The following PRKDC variants were observed in gnomAD, a reference collection of about 807,000 sequenced individuals.
PRKDC encodes DNA-dependent protein kinase catalytic subunit.
Under a neutral mutation model 486.9 loss-of-function variants are expected in PRKDC, and 82 were observed. That is an observed-to-expected ratio of 0.17 (90% confidence interval 0.14 to 0.20). The LOEUF (loss-of-function observed/expected upper bound fraction) is 0.20. Ranked by LOEUF, PRKDC falls within the 10% of genes least tolerant of loss-of-function variation. The pLI, the probability that PRKDC is intolerant of heterozygous loss-of-function variation, is 1.00. For synonymous variants in PRKDC, 1,895 were observed against 1,837.0 expected (o/e 1.03, Z -0.81); for missense variants, 4,504 against 5,038.2 (o/e 0.89, Z 3.21).
intron 16 of PRKDC, among the ~76,000 whole-genome samples, chr8:47,932,069 T>G (rs2090266524): frequency 6.7e-6 from 1 of 149,742 alleles, no homozygotes; most frequent in Non-Finnish European, 1.5e-5. Context: ...TTTTTTTGTA[T>G]TTTGTTTGTT....
At chr8:47,848,263 T>C (rs2088318214) in intron 54 of PRKDC, among the ~76,000 whole-genome samples, 1 of 152,002 alleles carries the variant, frequency 6.6e-6, no homozygotes, top group Non-Finnish European at 1.5e-5. Flanking sequence ...GTGGACTGGA[T>C]AAAGAAAATG....
intron 31 of PRKDC, among the ~76,000 whole-genome samples, chr8:47,891,781 G>A (rs2089463816): frequency 6.6e-6 from 1 of 152,218 alleles, no homozygotes; most frequent in Admixed American, 6.5e-5. Flanking sequence ...ATATTGGATT[G>A]TAAGACACAC....
In PRKDC at chr8:47,820,892, C is replaced by T. The variant is rs757600257; in HGVS notation, c.9163G>A (p.Gly3055Arg). 1 of 1,609,014 alleles carries T rather than the reference C, an allele frequency of 6.2e-7. No homozygotes were observed. The highest frequency in any genetic ancestry group is 1.1e-5 in the South Asian group (1 of 90,210). Residue 3055 changes from glycine (G) to arginine (R), a missense_variant, in exon 66 of 86, where the codon GGA becomes AGA. Physicochemically the swap from Gly to Arg is moderately radical, Grantham distance 125. This residue lies in a region of PRKDC where 1,592 missense variants were observed against 1,724.6 expected (regional missense o/e 0.92). Coordinates refer to ENST00000314191, the MANE Select transcript of PRKDC (RefSeq NM_006904.7). ...GTCAGCAGGGACTGGTCAGCCTCTC[C>T]CTGGAGCAGCAGCTTCAGCTTGCTG... ...IRSKLKLLLQGEADQSLLTFI... is the reference protein window; with the variant it reads ...IRSKLKLLLQREADQSLLTFI...
intron 49 of PRKDC, 81 bp downstream of exon 49, chr8:47,857,075 G>A: frequency 1.4e-6 from 2 of 1,397,864 alleles, no homozygotes; most frequent in East Asian, 2.5e-5. Flanking sequence ...TCAGTGAGAG[G>A]GACCTGAATT....
At chr8:47,951,542 G>A (rs2090624697) in intron 7 of PRKDC, among the ~76,000 whole-genome samples, 2 of 152,046 alleles carry the variant, frequency 1.3e-5, no homozygotes, top group African/African-American at 4.8e-5. Flanking sequence ...TGGGCAATAA[G>A]GCAAGACCGT....
chr8:47,783,950 C>G (rs1232424465), intron 77 of PRKDC, 141 bp from the exon 78 acceptor site: 2 of 812,018 alleles, frequency 2.5e-6, no homozygotes, highest in Non-Finnish European at 4.0e-6. Flanking sequence ...TTAAAGGGAA[C>G]TGACTTTAAA....
intron 45 of PRKDC, 119 bp from the exon 46 acceptor site, chr8:47,859,878 G>A (rs774526402): frequency 7.1e-5 from 75 of 1,050,172 alleles, no homozygotes; most frequent in Non-Finnish European, 9.7e-5. Flanking sequence ...TTTTCATCAA[G>A]CCAGTGATTA....
rs200147904 is a variant in PRKDC at position 47,789,878 on chromosome 8, TA to T, written c.10671-641del. 1.2e-3 allele frequency among the ~76,000 whole-genome samples: 182 copies of T among 151,952 alleles called. 1 individual carries two copies. The East Asian group carries it at 0.026, about 22-fold the overall frequency. On this transcript the variant is annotated intron_variant, in intron 74 of 85. Transcript: ENST00000314191. ...GATAAAATTCAACATCCCTTCATGA[TA>T]AAAAAAACTCTCAAAAAATTAGGTA...
chr8:47,836,267 C>T lies in PRKDC; in HGVS notation c.7951+71G>A, dbSNP rs2088019436. On this transcript the variant is annotated intron_variant, in intron 58 of 85. Transcript: ENST00000314191. Reference sequence around the variant, plus strand: ...TTACTTCTCTCACAAAAGCCCAACACTGTTGTGACAGAAGCTGCCCACAGA... The same window carrying T: ...TTACTTCTCTCACAAAAGCCCAACATTGTTGTGACAGAAGCTGCCCACAGA... 3 of 1,359,106 alleles carry T rather than the reference C, an allele frequency of 2.2e-6. 1 individual carries two copies. The highest frequency in any genetic ancestry group is 2.9e-6 in the Non-Finnish European group (3 of 1,038,582). The allele number at this position is 1,359,106 out of a possible 1,614,324, so 84.2% of individuals were successfully genotyped here.
chr8:47,776,653 G>A (rs1049763400), intron 85 of PRKDC, among the ~76,000 whole-genome samples, 191 bp downstream of exon 85: 3 of 152,158 alleles, frequency 2.0e-5, no homozygotes, highest in Admixed American at 6.5e-5. Context: ...GGTCACATAC[G>A]TCAGAGTTGC....
At chr8:47,861,112 C>T in intron 44 of PRKDC, 141 bp from the exon 45 acceptor site, 1 of 630,546 alleles carries the variant, frequency 1.6e-6, no homozygotes, top group South Asian at 2.3e-5. Flanking sequence ...CAAAAATAAC[C>T]TCAAAAAGAG....
intron 11 of PRKDC, among the ~76,000 whole-genome samples, 152 bp downstream of exon 11, chr8:47,939,399 A>G (rs563915357): frequency 6.6e-6 from 1 of 152,360 alleles, no homozygotes; most frequent in South Asian, 2.1e-4. Flanking sequence ...AAACATCTGC[A>G]TGTAAGTGAG....
At chr8:47,801,783 C>T (rs1361705629) in intron 70 of PRKDC, among the ~76,000 whole-genome samples, 3 of 152,158 alleles carry the variant, frequency 2.0e-5, no homozygotes, top group Non-Finnish European at 2.9e-5. Flanking sequence ...GCTAAGTCTG[C>T]AGTGTCCAGA....
At chr8:47,865,078 C>T (rs1482285882) in intron 40 of PRKDC, among the ~76,000 whole-genome samples, 1 of 152,210 alleles carries the variant, frequency 6.6e-6, no homozygotes, top group Non-Finnish European at 1.5e-5. Context: ...AAAATAGACA[C>T]ATTTCTAGGA....
At chr8:47,785,972 G>T (rs1484064263) in intron 76 of PRKDC, among the ~76,000 whole-genome samples, 1 of 152,024 alleles carries the variant, frequency 6.6e-6, no homozygotes, top group Non-Finnish European at 1.5e-5. Flanking sequence ...CGGGTGTGGT[G>T]GCTCATGCCT....
chr8:47,933,829 T>C, intron 15 of PRKDC, 136 bp downstream of exon 15: 1 of 962,870 alleles, frequency 1.0e-6, no homozygotes, highest in Non-Finnish European at 1.4e-6. Context: ...CGGTTTTAAT[T>C]TTTTATTTTT....
At chr8:47,832,934 C>A (rs2087921676) in intron 59 of PRKDC, among the ~76,000 whole-genome samples, 2 of 152,208 alleles carry the variant, frequency 1.3e-5, no homozygotes, top group East Asian at 3.9e-4. Flanking sequence ...CAAAGCATCC[C>A]CAAGGAGGAT....
chr8:47,948,787 A>G (rs2090580364), intron 7 of PRKDC, among the ~76,000 whole-genome samples: 1 of 152,144 alleles, frequency 6.6e-6, no homozygotes, highest in African/African-American at 2.4e-5. Flanking sequence ...ATATGTACCC[A>G]TGAATTAGTA....
chr8:47,926,084 T>C (rs1275326745), intron 21 of PRKDC, among the ~76,000 whole-genome samples: 1 of 152,202 alleles, frequency 6.6e-6, no homozygotes, highest in Non-Finnish European at 1.5e-5. Context: ...AACTTTTCAA[T>C]GAGTTAACAG....
Sources: gnomAD v4.1 joint callset for allele counts (sites outside exome capture counted in the v4.1 genomes callset) on GRCh38, gnomAD v4.1.1 for gene constraint, gnomAD v4.1.1 regional missense constraint, MANE v1.5 for transcripts, NCBI Gene and HGNC (gene_info 2026-07-23, HGNC 2026-07-21) for gene names.